Variants in NUDCD1 observed in about 807,000 individuals in gnomAD.
The protein encoded by NUDCD1 is nudC domain-containing protein 1.
Under a neutral mutation model 67.8 loss-of-function variants are expected in NUDCD1, and 60 were observed. The ratio of observed to expected loss-of-function variants is 0.88; its 90% CI spans 0.72 to 1.10. The LOEUF (loss-of-function observed/expected upper bound fraction) is 1.10. NUDCD1 is among the 50% of genes least tolerant of loss of function. The probability of loss-of-function intolerance (pLI) is 0.00; values close to 1 mark genes in which losing one functional copy is unlikely to be tolerated. For synonymous variants in NUDCD1, 244 were observed against 230.8 expected (o/e 1.06, Z -0.52); for missense variants, 643 against 695.0 (o/e 0.93, Z 0.84).
intron 8 of NUDCD1, among the ~76,000 whole-genome samples, chr8:109,266,821 T>C (rs1432311487): frequency 1.3e-5 from 2 of 152,206 alleles, no homozygotes; most frequent in South Asian, 4.1e-4. Flanking sequence ...ATTTCTTTTA[T>C]TGTGCTGCTT....
intron 7 of NUDCD1, 127 bp from the exon 8 acceptor site, chr8:109,271,257 AATC>A (rs1814149606): frequency 1.8e-6 from 1 of 565,446 alleles, no homozygotes; most frequent in East Asian, 2.9e-5. Context: ...TGACCAATAA[AATC>A]ATAATCACAA....
chr8:109,329,229 G>GC (rs1815750205), intron 1 of NUDCD1, among the ~76,000 whole-genome samples: 1 of 152,184 alleles, frequency 6.6e-6, no homozygotes, highest in East Asian at 1.9e-4. Flanking sequence ...GCATTCATGA[G>GC]CTGAGACCAA....
intron 8 of NUDCD1, among the ~76,000 whole-genome samples, chr8:109,247,820 C>A (rs1813533023): frequency 6.6e-6 from 1 of 152,128 alleles, no homozygotes; most frequent in Non-Finnish European, 1.5e-5. Context: ...TTATTCCTAT[C>A]AAATTATTTA....
At chr8:109,262,685 C>G (rs546560288) in intron 8 of NUDCD1, among the ~76,000 whole-genome samples, 1 of 152,060 alleles carries the variant, frequency 6.6e-6, no homozygotes, top group South Asian at 2.1e-4. Context: ...CTGTGCTGAT[C>G]GATCAGAACT....
intron 2 of NUDCD1, among the ~76,000 whole-genome samples, chr8:109,301,348 C>A (rs944921942): frequency 6.6e-6 from 1 of 152,160 alleles, no homozygotes; most frequent in African/African-American, 2.4e-5. Context: ...CTTTGTACAC[C>A]TATCCCAAAC....
intron 2 of NUDCD1, chr8:109,313,954 T>A: frequency 2.4e-6 from 1 of 412,490 alleles, no homozygotes; most frequent in Non-Finnish European, 4.7e-6. Flanking sequence ...CTTACTTGCA[T>A]TAATGACAGT....
At chr8:109,319,215 C>T (rs1183250427) in intron 2 of NUDCD1, among the ~76,000 whole-genome samples, 3 of 152,056 alleles carry the variant, frequency 2.0e-5, no homozygotes, top group African/African-American at 7.2e-5. Flanking sequence ...CCTCATGATC[C>T]GCCCGCCTCT....
Position 109,313,895 on chromosome 8 carries a change from G to A in NUDCD1, c.273+8414C>T, listed in dbSNP as rs1183266248. On this transcript the variant is annotated intron_variant, in intron 2 of 9. Coordinates refer to ENST00000239690, the MANE Select transcript of NUDCD1 (RefSeq NM_032869.4). The stretch of plus-strand genomic sequence containing the variant: ...GATTAAGATACTTGAGTATCTAAAT[G>A]TGAAAACAAAATTAAATTAAAACAC... 5 of 749,590 alleles carry A rather than the reference G, an allele frequency of 6.7e-6. No individual in the cohort carries two copies. The East Asian group carries it at 1.9e-4, about 29-fold the overall frequency. 46.4% of individuals were successfully genotyped at this position (749,590 alleles called of 1,614,324 possible).
intron 1 of NUDCD1, among the ~76,000 whole-genome samples, chr8:109,331,524 A>G (rs1815807426): frequency 2.6e-5 from 4 of 151,780 alleles, no homozygotes; most frequent in African/African-American, 9.7e-5. Flanking sequence ...TCAAAAAAAA[A>G]AAAAAAAAAA....
intron 6 of NUDCD1, among the ~76,000 whole-genome samples, chr8:109,278,977 G>C (rs1023409035): frequency 2.0e-5 from 3 of 152,056 alleles, no homozygotes; most frequent in Admixed American, 6.5e-5. Context: ...TCAGGAGTTC[G>C]AGACCAGTCT....
chr8:109,242,798 C>A lies in NUDCD1; in HGVS notation c.*211G>T. 6.9e-6 allele frequency: 2 copies of A among 291,164 alleles called. No individual in the cohort carries two copies. The highest frequency in any genetic ancestry group is 1.2e-5 in the Non-Finnish European group (2 of 161,000). The allele number at this position is 291,164 out of a possible 1,614,324, so 18.0% of individuals were successfully genotyped here. Reference sequence around the variant, plus strand: ...TACTATCTTCACTCTTTTTTTTTTTCAGAAGCCAATGTTCTCTAAATCTGC... The same window carrying A: ...TACTATCTTCACTCTTTTTTTTTTTAAGAAGCCAATGTTCTCTAAATCTGC... On this transcript the variant is annotated 3_prime_UTR_variant, in exon 10 of 10. Transcript: ENST00000239690.
intron 1 of NUDCD1, among the ~76,000 whole-genome samples, chr8:109,328,104 A>G (rs1288642438): frequency 6.6e-6 from 1 of 152,202 alleles, no homozygotes; most frequent in Non-Finnish European, 1.5e-5. Flanking sequence ...GTTAAATGAA[A>G]CAACAGTTTT....
rs781528303 is a variant in NUDCD1, at chr8:109,296,584, CATT to C, written c.274-18_274-16del. On this transcript the variant is annotated splice_polypyrimidine_tract_variant and intron_variant, in intron 2 of 9. Transcript: ENST00000239690. Reference sequence around the variant, plus strand: ...AAGGCAGTGTCCTAAAAAGACCAAACATTATACATTAATCTCTTCCTCTTCACT... The same window carrying C: ...AAGGCAGTGTCCTAAAAAGACCAAACATACATTAATCTCTTCCTCTTCACT... The C allele has an allele frequency of 6.5e-7, 1 of 1,535,052 alleles. No individual in the cohort carries two copies. Among genetic ancestry groups the C allele is most frequent in the East Asian group, 2.3e-5 (1 of 43,980 alleles).
intron 2 of NUDCD1, among the ~76,000 whole-genome samples, chr8:109,312,364 T>TTATC (rs1364309434): frequency 6.7e-6 from 1 of 149,796 alleles, no homozygotes; most frequent in Non-Finnish European, 1.5e-5. Context: ...TAGAATATGA[T>TTATC]TATCTCATTG....
intron 6 of NUDCD1, among the ~76,000 whole-genome samples, chr8:109,276,609 T>C (rs1814295591): frequency 6.6e-6 from 1 of 152,200 alleles, no homozygotes; most frequent in African/African-American, 2.4e-5. Context: ...TATGAGTACT[T>C]ATAATTAGCA....
chr8:109,251,760 C>T (rs1344135691), intron 8 of NUDCD1, among the ~76,000 whole-genome samples: 3 of 151,878 alleles, frequency 2.0e-5, no homozygotes, highest in Non-Finnish European at 4.4e-5. Context: ...TTAACTGGTT[C>T]CCACTTTTAT....
At chr8:109,279,838 G>A (rs1447519037) in intron 6 of NUDCD1, among the ~76,000 whole-genome samples, 1 of 151,982 alleles carries the variant, frequency 6.6e-6, no homozygotes, top group Admixed American at 6.6e-5. Flanking sequence ...CACCATGTTG[G>A]TCAGGCTGGT....
intron 8 of NUDCD1, among the ~76,000 whole-genome samples, chr8:109,269,860 T>G (rs2129945095): frequency 6.7e-6 from 1 of 149,072 alleles, no homozygotes; most frequent in South Asian, 2.1e-4. Context: ...CCTGCTCACA[T>G]AAACAACTCT....
At chr8:109,295,398 A>T (rs1019554159) in intron 3 of NUDCD1, among the ~76,000 whole-genome samples, 1 of 152,208 alleles carries the variant, frequency 6.6e-6, no homozygotes, top group Non-Finnish European at 1.5e-5. Context: ...AGGCCAAAAC[A>T]GAAATTGCCA....
Sources: allele counts gnomAD v4.1 joint callset (sites outside exome capture counted in the v4.1 genomes callset), GRCh38; gene constraint gnomAD v4.1.1; transcripts MANE v1.5; gene names NCBI Gene and HGNC (gene_info 2026-07-23, HGNC 2026-07-21).